The following LRMDA variants were observed in gnomAD, a reference collection of about 807,000 sequenced individuals.
The protein encoded by LRMDA is leucine-rich melanocyte differentiation-associated protein.
Under a neutral mutation model 29.8 loss-of-function variants are expected in LRMDA, and 18 were observed. The ratio of observed to expected loss-of-function variants is 0.60; its 90% CI spans 0.42 to 0.90. The LOEUF is 0.90. LRMDA is among the 40% of genes least tolerant of loss of function. The probability of loss-of-function intolerance (pLI) is 0.00; values close to 1 mark genes in which losing one functional copy is unlikely to be tolerated. For synonymous variants in LRMDA, 125 were observed against 109.4 expected (o/e 1.14, Z -0.89); for missense variants, 273 against 273.9 (o/e 1.00, Z 0.02).
At chr10:75,730,220 C>T (rs550324750) in intron 2 of LRMDA, among the ~76,000 whole-genome samples, 160 of 152,218 alleles carry the variant, frequency 1.1e-3, no homozygotes, top group Middle Eastern at 6.8e-3. Flanking sequence ...TGTTGATGTC[C>T]GAATTTAGTG....
intron 2 of LRMDA, among the ~76,000 whole-genome samples, chr10:75,449,151 CAAAAA>C (rs779723533): frequency 4.0e-5 from 2 of 50,276 alleles, no homozygotes; most frequent in Non-Finnish European, 4.3e-5. Context: ...GACTCCATCT[CAAAAA>C]AAAAAAAAAA....
rs75370606 is a variant in LRMDA at position 76,141,223 on chromosome 10, T to C, written c.516+82440T>C. 7.5e-3 allele frequency among the ~76,000 whole-genome samples: 1,135 copies of C among 152,252 alleles called. 9 individuals are homozygous for C. Among genetic ancestry groups the C allele is most frequent in the African/African-American group, 0.024 (980 of 41,560 alleles). The stretch of plus-strand genomic sequence containing the variant: ...CATGTTAATAAGCTTCTATTTGTTC[T>C]TCTCTGTTAATCTGTCTTTTGTTAT... On this transcript the variant is annotated intron_variant, in intron 5 of 6. Coordinates refer to ENST00000611255, the MANE Select transcript of LRMDA (RefSeq NM_001305581.2).
chr10:75,887,687 A>G (rs1477318913), intron 2 of LRMDA, among the ~76,000 whole-genome samples: 1 of 152,180 alleles, frequency 6.6e-6, no homozygotes, highest in East Asian at 1.9e-4. Context: ...AATGTTTACT[A>G]TCTGGCCCTT....
chr10:76,149,479 A>AT (rs1850397546), intron 5 of LRMDA, among the ~76,000 whole-genome samples: 1 of 152,158 alleles, frequency 6.6e-6, no homozygotes, highest in Admixed American at 6.5e-5. Flanking sequence ...TCTGGTCTAC[A>AT]TTTTTGTCAT....
At chr10:76,195,413 A>T (rs190740655) in intron 5 of LRMDA, among the ~76,000 whole-genome samples, 1 of 152,194 alleles carries the variant, frequency 6.6e-6, no homozygotes, top group East Asian at 1.9e-4. Flanking sequence ...TCATTTGTCC[A>T]TCTAATTAGC....
intron 6 of LRMDA, among the ~76,000 whole-genome samples, chr10:76,356,661 C>T (rs568664868): frequency 6.6e-6 from 1 of 152,280 alleles, no homozygotes; most frequent in South Asian, 2.1e-4. Context: ...TGGTCACTCA[C>T]TCCTATGTAT....
At chr10:76,175,188 C>T (rs1850911247) in intron 5 of LRMDA, among the ~76,000 whole-genome samples, 1 of 152,164 alleles carries the variant, frequency 6.6e-6, no homozygotes, top group South Asian at 2.1e-4. Flanking sequence ...ACATAGCAAG[C>T]ATGCAGTGCA....
At chr10:75,476,838 A>G (rs185266352) in intron 2 of LRMDA, among the ~76,000 whole-genome samples, 76 of 152,278 alleles carry the variant, frequency 5.0e-4, no homozygotes, top group African/African-American at 1.8e-3. Context: ...CTGTAGGCTC[A>G]AAGTCCAAGA....
chr10:75,592,619 G>A (rs1436218739), intron 2 of LRMDA, among the ~76,000 whole-genome samples: 2 of 152,220 alleles, frequency 1.3e-5, no homozygotes, highest in East Asian at 1.9e-4. Flanking sequence ...CAGCTCTACC[G>A]TCGTCGGGCA....
At chr10:76,083,159 G>A (rs1323581992) in intron 5 of LRMDA, among the ~76,000 whole-genome samples, 8 of 152,200 alleles carry the variant, frequency 5.3e-5, no homozygotes, top group Non-Finnish European at 8.8e-5. Context: ...GATTGCAAAT[G>A]ACTCACTTAG....
intron 2 of LRMDA, among the ~76,000 whole-genome samples, chr10:76,015,146 C>T (rs1238344273): frequency 6.6e-6 from 1 of 152,228 alleles, no homozygotes; most frequent in African/African-American, 2.4e-5. Context: ...GATGCCCCGG[C>T]ACTTTGCCAG....
At chr10:75,912,152 A>G (rs1253559700) in intron 2 of LRMDA, among the ~76,000 whole-genome samples, 2 of 151,992 alleles carry the variant, frequency 1.3e-5, no homozygotes, top group African/African-American at 2.4e-5. Context: ...TCAACAATAC[A>G]CCATGCACCA....
At chr10:75,851,807 C>T (rs528462587) in intron 2 of LRMDA, among the ~76,000 whole-genome samples, 1 of 152,364 alleles carries the variant, frequency 6.6e-6, no homozygotes, top group South Asian at 2.1e-4. Flanking sequence ...TGTTATAAAT[C>T]AGCCTTGAAA....
chr10:75,528,789 T>A (rs1344039808), intron 2 of LRMDA, among the ~76,000 whole-genome samples: 1 of 152,192 alleles, frequency 6.6e-6, no homozygotes, highest in African/African-American at 2.4e-5. Flanking sequence ...AATCAGGGAC[T>A]ATGCTGGGAG....
At chr10:75,434,184 C>T (rs139408783) in intron 1 of LRMDA, among the ~76,000 whole-genome samples, 16 of 152,290 alleles carry the variant, frequency 1.1e-4, no homozygotes, top group African/African-American at 3.4e-4. Context: ...TGAAATCTTG[C>T]GCCCAAGAGA....
intron 2 of LRMDA, among the ~76,000 whole-genome samples, chr10:75,886,587 C>T (rs922954217): frequency 1.3e-5 from 2 of 152,030 alleles, no homozygotes; most frequent in African/African-American, 4.8e-5. Flanking sequence ...CTAGCTACAC[C>T]CCCTCAGTCA....
intron 2 of LRMDA, among the ~76,000 whole-genome samples, chr10:75,538,626 TTTG>T (rs1199523411): frequency 6.6e-6 from 1 of 151,032 alleles, no homozygotes; most frequent in African/African-American, 2.5e-5. Context: ...TGTTTGTTTG[TTTG>T]TTTTGTGTTT....
At chr10:75,920,696 C>T (rs1846011826) in intron 2 of LRMDA, among the ~76,000 whole-genome samples, 1 of 152,150 alleles carries the variant, frequency 6.6e-6, no homozygotes, top group Non-Finnish European at 1.5e-5. Flanking sequence ...GATTTTCTAG[C>T]ACAAAGAGCA....
chr10:75,996,630 C>A (rs1479750005), intron 2 of LRMDA, among the ~76,000 whole-genome samples: 1 of 152,156 alleles, frequency 6.6e-6, no homozygotes, highest in Admixed American at 6.5e-5. Flanking sequence ...ATTCTATACT[C>A]TTCAAAGCAT....
Sources: allele counts gnomAD v4.1 joint callset (sites outside exome capture counted in the v4.1 genomes callset), GRCh38; gene constraint gnomAD v4.1.1; transcripts MANE v1.5; gene names NCBI Gene and HGNC (gene_info 2026-07-23, HGNC 2026-07-21).